Variants in SLC16A12 observed in about 807,000 individuals in gnomAD.
SLC16A12 encodes the protein monocarboxylate transporter 12.
In SLC16A12, 17 loss-of-function variants were observed where a neutral mutation model predicts 42.4. The ratio of observed to expected loss-of-function variants is 0.40; its 90% CI spans 0.27 to 0.60. SLC16A12 has a LOEUF of 0.60. Among genes scored for constraint, SLC16A12 ranks in the 20% least tolerant of loss-of-function variants. The pLI is 0.42. For synonymous variants in SLC16A12, 224 were observed against 229.4 expected, an observed-to-expected ratio of 0.98 and a Z score of 0.21; for missense variants, 544 against 623.0, an observed-to-expected ratio of 0.87 and a Z score of 1.35.
chr10:89,448,058 G>A lies in SLC16A12; in HGVS notation c.201-4199C>T, dbSNP rs139771542. Among the ~76,000 whole-genome samples the A allele has an allele frequency of 4.6e-4, 70 of 152,268 alleles. 1 individual carries two copies. The highest frequency in any genetic ancestry group is 3.4e-3 in the Middle Eastern group (1 of 294). ...GACACATACTCCCCAGACTAAACCA[G>A]GACGAAGCTGAATCCCTGAATAGAC... On this transcript the variant is annotated intron_variant, in intron 3 of 7. Coordinates refer to ENST00000371790, the MANE Select transcript of SLC16A12 (RefSeq NM_213606.4).
intron 2 of SLC16A12, among the ~76,000 whole-genome samples, chr10:89,509,362 G>A (rs1439065128): frequency 9.2e-5 from 14 of 152,092 alleles, no homozygotes; most frequent in Non-Finnish European, 1.5e-5. Flanking sequence ...CTGGCAAACC[G>A]AATCCAGTGG....
At chr10:89,438,431 A>C (rs1465375413) in intron 6 of SLC16A12, among the ~76,000 whole-genome samples, 173 bp downstream of exon 6, 1 of 152,228 alleles carries the variant, frequency 6.6e-6, no homozygotes, top group African/African-American at 2.4e-5. Context: ...GTTCCTTTAC[A>C]GAAAATTTTG....
intron 2 of SLC16A12, among the ~76,000 whole-genome samples, chr10:89,502,252 C>A (rs1179770678): frequency 6.6e-6 from 1 of 151,966 alleles, no homozygotes; most frequent in Non-Finnish European, 1.5e-5. Flanking sequence ...AGTTCGAGAC[C>A]AGCCTGTCCA....
At chr10:89,469,214 T>A (rs1477864438) in intron 2 of SLC16A12, among the ~76,000 whole-genome samples, 1 of 152,236 alleles carries the variant, frequency 6.6e-6, no homozygotes, top group Non-Finnish European at 1.5e-5. Flanking sequence ...ACTCATCAAA[T>A]GGAACAGTAT....
At chr10:89,532,292 GA>G (rs903967852) in intron 2 of SLC16A12, among the ~76,000 whole-genome samples, 7 of 151,346 alleles carry the variant, frequency 4.6e-5, no homozygotes, top group Admixed American at 2.6e-4. Flanking sequence ...GGTGAATGAA[GA>G]AAAAAAAATC....
chr10:89,448,268 C>T (rs190205228), intron 3 of SLC16A12, among the ~76,000 whole-genome samples: 6 of 152,248 alleles, frequency 3.9e-5, no homozygotes, highest in Admixed American at 3.9e-4. Flanking sequence ...ATGAGGTGAG[C>T]ATCATTCTGA....
At chr10:89,484,578 G>A (rs1420416455) in intron 2 of SLC16A12, among the ~76,000 whole-genome samples, 1 of 152,094 alleles carries the variant, frequency 6.6e-6, no homozygotes, top group Non-Finnish European at 1.5e-5. Flanking sequence ...GTGAGGAAAT[G>A]AGGCAAAGAG....
At chr10:89,451,417 C>CT (rs954195100) in intron 3 of SLC16A12, among the ~76,000 whole-genome samples, 24 of 147,342 alleles carry the variant, frequency 1.6e-4, no homozygotes, top group Non-Finnish European at 1.5e-4. Context: ...ACTGACTGAA[C>CT]TTTTTTTTTT....
At chr10:89,454,169 G>C (rs939281042) in intron 3 of SLC16A12, among the ~76,000 whole-genome samples, 1 of 151,882 alleles carries the variant, frequency 6.6e-6, no homozygotes, top group African/African-American at 2.4e-5. Flanking sequence ...GGAACCACAG[G>C]AGTGCACCAT....
In SLC16A12 at chr10:89,530,572, C is replaced by T. The variant is rs921362934; in HGVS notation, c.-47+3929G>A. On this transcript the variant is annotated intron_variant, in intron 2 of 7. Coordinates refer to ENST00000371790, the MANE Select transcript of SLC16A12 (RefSeq NM_213606.4). ...AGCTGGGACTACAGGCGCCTACCAC[C>T]ACGCCCGGCTAATTTTTTGTACTTT... Among the ~76,000 whole-genome samples the T allele has an allele frequency of 8.6e-5, 13 of 152,034 alleles. No homozygotes were observed. The South Asian group carries it at 1.0e-3, about 12-fold the overall frequency.
intron 2 of SLC16A12, among the ~76,000 whole-genome samples, chr10:89,472,718 C>G (rs1443447884): frequency 1.3e-5 from 2 of 151,906 alleles, no homozygotes; most frequent in East Asian, 1.9e-4. Context: ...GTCTCGAACT[C>G]CTGACCTCAA....
intron 2 of SLC16A12, among the ~76,000 whole-genome samples, chr10:89,522,968 T>C (rs7099173): frequency 0.1 from 15,546 of 152,240 alleles, 2,299 homozygotes; most frequent in African/African-American, 0.33. Context: ...TTTATTATTT[T>C]CCTCCATTTC....
At chr10:89,469,969 C>A (rs1249624678) in intron 2 of SLC16A12, among the ~76,000 whole-genome samples, 4 of 152,170 alleles carry the variant, frequency 2.6e-5, no homozygotes, top group Admixed American at 2.0e-4. Context: ...ATTTGCCAGT[C>A]TCCTTTTTTT....
chr10:89,443,161 T>A (rs1422674828), intron 4 of SLC16A12, among the ~76,000 whole-genome samples: 1 of 152,192 alleles, frequency 6.6e-6, no homozygotes, highest in East Asian at 1.9e-4. Context: ...ATTACACCCA[T>A]AATGAATATG....
At chr10:89,445,043 G>A (rs978499903) in intron 3 of SLC16A12, among the ~76,000 whole-genome samples, 4 of 152,366 alleles carry the variant, frequency 2.6e-5, no homozygotes, top group African/African-American at 4.8e-5. Context: ...GCCCGGCTGC[G>A]GGAGGGGCAT....
At chr10:89,543,803 C>T (rs917454450) in intron 2 of SLC16A12, among the ~76,000 whole-genome samples, 3 of 152,078 alleles carry the variant, frequency 2.0e-5, no homozygotes, top group African/African-American at 4.8e-5. Context: ...TCACTGCACT[C>T]CAGCCTGGGC....
intron 2 of SLC16A12, among the ~76,000 whole-genome samples, chr10:89,540,868 A>G (rs2133883966): frequency 6.6e-6 from 1 of 152,220 alleles, no homozygotes; most frequent in Non-Finnish European, 1.5e-5. Flanking sequence ...CGAAGTAAAA[A>G]ATCTCATTTC....
Position 89,481,684 on chromosome 10 carries a change from T to A in SLC16A12, c.-46-19060A>T, listed in dbSNP as rs548567122. Among the ~76,000 whole-genome samples the A allele has an allele frequency of 2.7e-3, 399 of 147,206 alleles. 4 individuals are homozygous for A. Among genetic ancestry groups the A allele is most frequent in the African/African-American group, 9.1e-3 (364 of 39,974 alleles). ...GTGTGTGAGAGAGAGAGAGAGTGTG[T>A]GTGTGTGTGTGTGTGTGTGTAAAAC... On this transcript the variant is annotated intron_variant, in intron 2 of 7. Transcript: ENST00000371790.
At chr10:89,553,979 A>T (rs1589740757) in intron 2 of SLC16A12, among the ~76,000 whole-genome samples, 1 of 150,908 alleles carries the variant, frequency 6.6e-6, no homozygotes, top group East Asian at 1.9e-4. Flanking sequence ...TGGGCAACAG[A>T]GCGAGACTCC....
Sources: gnomAD v4.1 joint callset for allele counts (sites outside exome capture counted in the v4.1 genomes callset) on GRCh38, gnomAD v4.1.1 for gene constraint, MANE v1.5 for transcripts, NCBI Gene and HGNC (gene_info 2026-07-23, HGNC 2026-07-21) for gene names.